The following KAZN variants were observed in gnomAD, a reference collection of about 807,000 sequenced individuals.
KAZN encodes kazrin.
In KAZN, 40 loss-of-function variants were observed where a neutral mutation model predicts 87.4. That is an observed-to-expected ratio of 0.46 (90% CI 0.36 to 0.60). KAZN has a LOEUF of 0.60. Ranked by LOEUF, KAZN falls within the 20% of genes least tolerant of loss-of-function variation. The pLI is 0.00. For missense variants in KAZN, 898 were observed against 1,073.9 expected (o/e 0.84, Z 2.29); for synonymous variants, 466 against 458.3 (o/e 1.02, Z -0.22).
chr1:14,459,487 G>A (rs79403105), intron 2 of KAZN, among the ~76,000 whole-genome samples: 3,854 of 152,170 alleles, frequency 0.025, 175 homozygotes, highest in African/African-American at 0.087. Context: ...CAAAGATGGC[G>A]CATCGTTTTT....
In KAZN at chr1:14,013,447, A is replaced by AC. The variant is rs539716015; in HGVS notation, c.91+119697dup. Among the ~76,000 whole-genome samples, 34 of 151,502 alleles carry AC rather than the reference A, an allele frequency of 2.2e-4. No homozygotes were observed. The South Asian group carries it at 6.7e-3, about 30-fold the overall frequency. ...GGTTTTTTTTAACCCCAAAATGACAACCCCCCAGAGGTTTTCTGTTGTGTT... is the reference window on the plus strand; with the variant it reads ...GGTTTTTTTTAACCCCAAAATGACAACCCCCCCAGAGGTTTTCTGTTGTGTT... On this transcript the variant is annotated intron_variant, in intron 1 of 16. Transcript: ENST00000636203.
chr1:14,697,153 AAAAAG>A (rs1210363558), intron 1 of KAZN, among the ~76,000 whole-genome samples: 53 of 130,450 alleles, frequency 4.1e-4, no homozygotes, highest in African/African-American at 6.9e-4. Flanking sequence ...AAAAAAAAAA[AAAAAG>A]AAAAGAAAAG....
intron 1 of KAZN, among the ~76,000 whole-genome samples, chr1:14,078,233 T>C (rs1450392102): frequency 6.6e-6 from 1 of 152,238 alleles, no homozygotes; most frequent in African/African-American, 2.4e-5. Flanking sequence ...TCTTTCTTCC[T>C]GGCAGTTATT....
At chr1:14,822,188 AGG>A (rs1393856542) in intron 1 of KAZN, among the ~76,000 whole-genome samples, 1 of 152,126 alleles carries the variant, frequency 6.6e-6, no homozygotes, top group African/African-American at 2.4e-5. Flanking sequence ...AGGTAACTTG[AGG>A]GGGCACGTCA....
chr1:14,655,250 A>G (rs1638712365), intron 1 of KAZN, among the ~76,000 whole-genome samples: 1 of 152,088 alleles, frequency 6.6e-6, no homozygotes, highest in African/African-American at 2.4e-5. Context: ...GGAGGATGGG[A>G]GGCTAGGGGG....
intron 2 of KAZN, among the ~76,000 whole-genome samples, chr1:15,015,298 G>A (rs1170604251): frequency 1.3e-5 from 2 of 151,844 alleles, no homozygotes; most frequent in African/African-American, 4.8e-5. Flanking sequence ...GATTACAGGC[G>A]CCCGCCACCA....
intron 1 of KAZN, among the ~76,000 whole-genome samples, chr1:14,087,187 T>C (rs917721370): frequency 1.1e-4 from 16 of 152,180 alleles, no homozygotes; most frequent in Admixed American, 9.2e-4. Flanking sequence ...GTTCTTCGTG[T>C]ACAGGTCTTG....
intron 1 of KAZN, among the ~76,000 whole-genome samples, chr1:13,938,072 T>A (rs1640806227): frequency 6.6e-6 from 1 of 152,188 alleles, no homozygotes; most frequent in African/African-American, 2.4e-5. Context: ...TGAAAAATGA[T>A]GTTGATAATT....
chr1:14,099,317 A>AT (rs1264197524), intron 1 of KAZN, among the ~76,000 whole-genome samples: 1 of 151,800 alleles, frequency 6.6e-6, no homozygotes, highest in Non-Finnish European at 1.5e-5. Context: ...ACATACCCCC[A>AT]TTTTTCTAAG....
chr1:14,905,878 T>C (rs1241303838), intron 1 of KAZN, among the ~76,000 whole-genome samples: 1 of 143,704 alleles, frequency 7.0e-6, no homozygotes, highest in African/African-American at 2.6e-5. Flanking sequence ...ATAATAATGA[T>C]ACAGCACAGG....
rs116366760 is a variant in KAZN at position 14,463,992 on chromosome 1, G to A, written c.250-134991G>A. ...CTTAGGCCGTATCATTTTCACTTCC[G>A]TGAAACCTAAGGAACACTAGGAAGA... On this transcript the variant is annotated intron_variant, in intron 2 of 16. Coordinates refer to the KAZN transcript ENST00000636203. Among the ~76,000 whole-genome samples, 1,198 of 152,288 alleles carry A rather than the reference G, an allele frequency of 7.9e-3. 18 individuals are homozygous for A. Among genetic ancestry groups the A allele is most frequent in the African/African-American group, 0.027 (1,125 of 41,546 alleles).
At chr1:14,140,582 A>G (rs1645213825) in intron 1 of KAZN, among the ~76,000 whole-genome samples, 1 of 151,982 alleles carries the variant, frequency 6.6e-6, no homozygotes, top group Admixed American at 6.6e-5. Flanking sequence ...TTGACTTTTA[A>G]AAGAAAAAGA....
At chr1:14,713,874 T>G (rs1293914711) in intron 1 of KAZN, among the ~76,000 whole-genome samples, 1 of 151,676 alleles carries the variant, frequency 6.6e-6, no homozygotes, top group African/African-American at 2.4e-5. Context: ...GAGGATCGCT[T>G]GAGCCCAGGA....
At chr1:14,211,997 G>A (rs1646863173) in intron 2 of KAZN, among the ~76,000 whole-genome samples, 1 of 152,068 alleles carries the variant, frequency 6.6e-6, no homozygotes, top group Admixed American at 6.5e-5. Flanking sequence ...GCCTTCTTAG[G>A]AATTTGTGTT....
chr1:13,918,938 GTT>G (rs899202156), intron 1 of KAZN, among the ~76,000 whole-genome samples: 24 of 151,400 alleles, frequency 1.6e-4, no homozygotes, highest in African/African-American at 5.6e-4. Context: ...GTGTTAAAAT[GTT>G]TTTTTTTCCC....
chr1:14,197,432 T>G (rs996959083), intron 2 of KAZN, among the ~76,000 whole-genome samples: 1 of 148,732 alleles, frequency 6.7e-6, no homozygotes, highest in Admixed American at 6.7e-5. Context: ...TACATGCCTG[T>G]AATCCCAGCA....
At chr1:14,940,125 T>C (rs2101632061) in intron 1 of KAZN, among the ~76,000 whole-genome samples, 1 of 152,008 alleles carries the variant, frequency 6.6e-6, no homozygotes, top group Admixed American at 6.5e-5. Flanking sequence ...TCTGTAAGAG[T>C]GGGCGGGGTA....
At chr1:14,497,129 G>A (rs1669983780) in intron 2 of KAZN, among the ~76,000 whole-genome samples, 2 of 152,064 alleles carry the variant, frequency 1.3e-5, no homozygotes, top group Admixed American at 1.3e-4. Flanking sequence ...AAGAGGTACA[G>A]AAAACCCATA....
chr1:14,490,464 G>C (rs1192408811), intron 2 of KAZN, among the ~76,000 whole-genome samples: 7 of 151,770 alleles, frequency 4.6e-5, no homozygotes, highest in Non-Finnish European at 7.4e-5. Flanking sequence ...TCTGCATTTG[G>C]TTGTTTTTTT....
Sources: allele counts gnomAD v4.1 joint callset (sites outside exome capture counted in the v4.1 genomes callset), GRCh38; gene constraint gnomAD v4.1.1; transcripts MANE v1.5; gene names NCBI Gene and HGNC (gene_info 2026-07-23, HGNC 2026-07-21).